The following SAMMSON variants were observed in gnomAD, a reference collection of about 807,000 sequenced individuals.
SAMMSON encodes long intergenic non-protein coding RNA 1212.
chr3:70,305,227 T>C (rs1702388000), intron 7 of SAMMSON, among the ~76,000 whole-genome samples: 1 of 152,208 alleles, frequency 6.6e-6, no homozygotes, highest in Admixed American at 6.5e-5. Context: ...CATCTTTTTT[T>C]TTCCGTCGGC....
At chr3:70,222,640 C>G (rs1701471401) in intron 4 of SAMMSON, among the ~76,000 whole-genome samples, 1 of 152,072 alleles carries the variant, frequency 6.6e-6, no homozygotes, top group African/African-American at 2.4e-5. Flanking sequence ...ACCTTAGGGC[C>G]TCCTAGGTTA....
At chr3:70,128,269 T>A (rs920380126) in intron 4 of SAMMSON, among the ~76,000 whole-genome samples, 5 of 152,242 alleles carry the variant, frequency 3.3e-5, no homozygotes, top group African/African-American at 9.6e-5. Flanking sequence ...GAACCAAAAC[T>A]ACCATTTCTC....
chr3:70,414,560 A>G (rs1358286456), intron 2 of SAMMSON, among the ~76,000 whole-genome samples: 2 of 152,082 alleles, frequency 1.3e-5, no homozygotes, highest in African/African-American at 4.8e-5. Context: ...GTAACTAATA[A>G]CTGGTTTTCC....
intron 9 of SAMMSON, among the ~76,000 whole-genome samples, chr3:70,372,372 C>A (rs1387769680): frequency 6.6e-6 from 1 of 151,966 alleles, no homozygotes; most frequent in South Asian, 2.1e-4. Flanking sequence ...AGTACAATGG[C>A]GTGATCTTGG....
chr3:70,012,223 A>G (rs1379143461), intron 1 of SAMMSON: 1 of 152,138 alleles, frequency 6.6e-6, no homozygotes, highest in East Asian at 1.9e-4. Context: ...GAGTCAAAAA[A>G]TGGCTCCTCA....
chr3:70,262,186 T>G (rs1381509993), intron 6 of SAMMSON, among the ~76,000 whole-genome samples: 1 of 152,068 alleles, frequency 6.6e-6, no homozygotes, highest in Admixed American at 6.6e-5. Flanking sequence ...CAAATAAAGA[T>G]GAAAGAACAA....
intron 4 of SAMMSON, among the ~76,000 whole-genome samples, chr3:70,121,270 A>G (rs1160400979): frequency 1.3e-5 from 2 of 152,180 alleles, no homozygotes; most frequent in Admixed American, 1.3e-4. Context: ...CCTGTTCCTA[A>G]CAGGCCACAG....
At chr3:70,392,644 C>A (rs909866623), downstream of SAMMSON, among the ~76,000 whole-genome samples, 45 of 152,136 alleles carry the variant, frequency 3.0e-4, no homozygotes, top group African/African-American at 1.1e-3. Flanking sequence ...ATCAGTCAGG[C>A]TTCTGTGCGA....
At chr3:70,272,345 C>CT (rs1024768141) in intron 6 of SAMMSON, 7 of 152,306 alleles carry the variant, frequency 4.6e-5, no homozygotes, top group African/African-American at 1.7e-4. Flanking sequence ...TTAAATTTGC[C>CT]TTTCCTAAGA....
intron 2 of SAMMSON, among the ~76,000 whole-genome samples, chr3:70,415,202 T>C (rs928675801): frequency 1.3e-5 from 2 of 152,148 alleles, no homozygotes; most frequent in African/African-American, 4.8e-5. Context: ...TATGAATTCA[T>C]TTTGTAGACA....
intron 3 of SAMMSON, among the ~76,000 whole-genome samples, chr3:70,024,573 C>T (rs940661125): frequency 3.3e-5 from 5 of 152,174 alleles, no homozygotes; most frequent in Admixed American, 3.3e-4. Context: ...AGCCACCATG[C>T]TCTGCTGCCT....
At chr3:70,371,586 A>AT (rs936839066) in intron 9 of SAMMSON, among the ~76,000 whole-genome samples, 18 of 151,684 alleles carry the variant, frequency 1.2e-4, no homozygotes, top group Admixed American at 3.9e-4. Flanking sequence ...TAGGCATTTT[A>AT]TTTTTTAATA....
chr3:70,206,354 C>T (rs1701290573), intron 4 of SAMMSON, among the ~76,000 whole-genome samples: 1 of 152,034 alleles, frequency 6.6e-6, no homozygotes, highest in Non-Finnish European at 1.5e-5. Context: ...AACATGTTGC[C>T]TCTGATTCCC....
intron 4 of SAMMSON, among the ~76,000 whole-genome samples, chr3:70,098,018 C>T (rs1163613899): frequency 1.3e-5 from 2 of 152,166 alleles, no homozygotes; most frequent in African/African-American, 4.8e-5. Context: ...CTTTTTCTCC[C>T]CTCCTTGGGG....
chr3:70,321,571 T>C (rs1702538992), intron 7 of SAMMSON, among the ~76,000 whole-genome samples: 1 of 152,110 alleles, frequency 6.6e-6, no homozygotes, highest in Non-Finnish European at 1.5e-5. Flanking sequence ...TAATTTTATG[T>C]TTTTATGGTT....
intron 2 of SAMMSON, among the ~76,000 whole-genome samples, chr3:70,409,716 G>A (rs1347437337): frequency 6.6e-6 from 1 of 152,114 alleles, no homozygotes; most frequent in African/African-American, 2.4e-5. Flanking sequence ...TTGTAAAAAT[G>A]TACTCCTGCT....
rs145588248 is a variant in SAMMSON, at chr3:70,104,441, A to G, written n.507+32876A>G. 7.8e-4 allele frequency among the ~76,000 whole-genome samples: 119 copies of G among 152,200 alleles called. No homozygotes were observed. The East Asian group carries it at 0.02, about 26-fold the overall frequency. On this transcript the variant is annotated intron_variant and non_coding_transcript_variant, in intron 4 of 9. Transcript: ENST00000642114. ...GCGCCTGACAAGCAGTAGATATTCA[A>G]TTAATGTTTGCCATTTGATGATGCT...
chr3:70,434,247 T>G (rs759935630), intron 2 of SAMMSON, among the ~76,000 whole-genome samples: 17 of 152,238 alleles, frequency 1.1e-4, no homozygotes, highest in Non-Finnish European at 1.6e-4. Flanking sequence ...ATATTGAGAC[T>G]TCTTATCCAT....
intron 4 of SAMMSON, among the ~76,000 whole-genome samples, chr3:70,213,134 CTCTT>C (rs1249130871): frequency 6.6e-6 from 1 of 151,938 alleles, no homozygotes; most frequent in Non-Finnish European, 1.5e-5. Flanking sequence ...TCCTCTGTCT[CTCTT>C]TATTTTGTTT....
Sources: allele counts gnomAD v4.1 joint callset (sites outside exome capture counted in the v4.1 genomes callset), GRCh38; gene constraint gnomAD v4.1.1; transcripts MANE v1.5; gene names NCBI Gene and HGNC (gene_info 2026-07-23, HGNC 2026-07-21).